The following PDSS2 variants were observed in gnomAD, a reference collection of about 807,000 sequenced individuals.
PDSS2 encodes the protein decaprenyl diphosphate synthase subunit 2, also known as all trans-polyprenyl-diphosphate synthase PDSS2.
Under a neutral mutation model 44.5 loss-of-function variants are expected in PDSS2, and 31 were observed. That is an observed-to-expected ratio of 0.70 (90% confidence interval 0.52 to 0.94). The LOEUF is 0.94. Among genes scored for constraint, PDSS2 ranks in the 40% least tolerant of loss-of-function variants. PDSS2 has a pLI of 0.00. For synonymous variants in PDSS2, 157 were observed against 180.3 expected (o/e 0.87, Z 1.03); for missense variants, 452 against 482.2 (o/e 0.94, Z 0.59).
intron 4 of PDSS2, among the ~76,000 whole-genome samples, chr6:107,238,811 A>T (rs1216170542): frequency 6.6e-6 from 1 of 152,186 alleles, no homozygotes; most frequent in Non-Finnish European, 1.5e-5. Context: ...TCAACCTTAT[A>T]AGCAGGTTTT....
intron 2 of PDSS2, among the ~76,000 whole-genome samples, chr6:107,309,169 G>A (rs1032098478): frequency 5.9e-5 from 9 of 152,234 alleles, no homozygotes; most frequent in Admixed American, 3.9e-4. Flanking sequence ...AGATATCACT[G>A]AAGAATATTT....
chr6:107,242,125 A>G (rs1450146606), intron 4 of PDSS2, among the ~76,000 whole-genome samples: 1 of 152,196 alleles, frequency 6.6e-6, no homozygotes, highest in East Asian at 1.9e-4. Context: ...CAGGAAAAAA[A>G]GCCAGAATTT....
intron 4 of PDSS2, among the ~76,000 whole-genome samples, chr6:107,232,567 C>A (rs1482851308): frequency 6.6e-6 from 1 of 152,208 alleles, no homozygotes; most frequent in African/African-American, 2.4e-5. Flanking sequence ...CCTTCACTAT[C>A]ATTTCTCCCT....
At chr6:107,421,755 T>C (rs1208779455) in intron 1 of PDSS2, among the ~76,000 whole-genome samples, 2 of 151,554 alleles carry the variant, frequency 1.3e-5, no homozygotes, top group Admixed American at 6.6e-5. Flanking sequence ...AACAGTCCTA[T>C]ATCTTGATGA....
chr6:107,288,325 A>G (rs1013820650), intron 2 of PDSS2, among the ~76,000 whole-genome samples: 1 of 152,168 alleles, frequency 6.6e-6, no homozygotes. Context: ...GAGGGCTGGA[A>G]TATTTGTCTG....
chr6:107,231,962 CAAA>C (rs5878909), intron 4 of PDSS2, among the ~76,000 whole-genome samples: 32 of 137,742 alleles, frequency 2.3e-4, no homozygotes, highest in African/African-American at 5.1e-4. Flanking sequence ...AACTCTGTCT[CAAA>C]AAAAAAAAAA....
Position 107,440,056 on chromosome 6 carries a change from A to T in PDSS2, c.296+18934T>A, listed in dbSNP as rs1781469875. Among the ~76,000 whole-genome samples, 3 of 152,084 alleles carry T rather than the reference A, an allele frequency of 2.0e-5. No homozygotes were observed. In the South Asian group the frequency reaches 6.2e-4, roughly 31 times the overall value. On this transcript the variant is annotated intron_variant, in intron 1 of 7. Coordinates refer to ENST00000369037, the MANE Select transcript of PDSS2 (RefSeq NM_020381.4). ...GACAGTGGCTATACATGTGCTCAAC[A>T]ACAGGGATTTCCTCCCACCAAGGCT...
chr6:107,158,728 T>TTC (rs1455826968), intron 7 of PDSS2, among the ~76,000 whole-genome samples: 1 of 121,704 alleles, frequency 8.2e-6, no homozygotes, highest in Non-Finnish European at 2.0e-5. Context: ...TTTAACTGTT[T>TTC]TCTTTTTTTT....
Position 107,197,536 on chromosome 6 carries a change from C to T in PDSS2, c.1009-3682G>A, listed in dbSNP as rs559545594. On this transcript the variant is annotated intron_variant, in intron 6 of 7. Transcript: ENST00000369037. ...AAAATAGAAGTAAGTTAGAGACACT[C>T]AGCTGGTGTCAGCTTGCTGAAGTGA... Among the ~76,000 whole-genome samples the T allele has an allele frequency of 4.0e-5, 6 of 150,398 alleles. No individual in the cohort carries two copies. The South Asian group carries it at 1.3e-3, about 32-fold the overall frequency.
At chr6:107,417,521 G>A (rs1337851459) in intron 1 of PDSS2, among the ~76,000 whole-genome samples, 1 of 152,212 alleles carries the variant, frequency 6.6e-6, no homozygotes, top group Non-Finnish European at 1.5e-5. Context: ...CACTTGGGGA[G>A]GCCGAGGCAG....
At chr6:107,342,376 T>C (rs571451625) in intron 1 of PDSS2, among the ~76,000 whole-genome samples, 9 of 152,268 alleles carry the variant, frequency 5.9e-5, no homozygotes, top group Admixed American at 3.3e-4. Flanking sequence ...CTTGAGTTCC[T>C]TTTCCTAAAT....
intron 1 of PDSS2, among the ~76,000 whole-genome samples, chr6:107,438,039 G>A (rs562210803): frequency 8.5e-5 from 13 of 152,242 alleles, no homozygotes; most frequent in African/African-American, 3.1e-4. Context: ...CCAGGTGGTA[G>A]TAGTTAACTG....
chr6:107,367,697 A>C (rs1779000638), intron 1 of PDSS2, among the ~76,000 whole-genome samples: 1 of 151,778 alleles, frequency 6.6e-6, no homozygotes, highest in Admixed American at 6.6e-5. Flanking sequence ...GAAGCAGAAG[A>C]ATCGCTTGAA....
intron 2 of PDSS2, among the ~76,000 whole-genome samples, chr6:107,284,006 A>T (rs551132059): frequency 4.6e-5 from 7 of 152,022 alleles, no homozygotes; most frequent in Middle Eastern, 3.4e-3. Flanking sequence ...AGCCTGGGCA[A>T]CAAGAGCAAA....
intron 2 of PDSS2, among the ~76,000 whole-genome samples, chr6:107,304,730 C>G (rs1776803354): frequency 6.6e-6 from 1 of 152,234 alleles, no homozygotes; most frequent in South Asian, 2.1e-4. Flanking sequence ...ACCAACTCAT[C>G]TTTCCATTTA....
At chr6:107,212,691 C>T (rs1346713801) in intron 4 of PDSS2, among the ~76,000 whole-genome samples, 2 of 152,078 alleles carry the variant, frequency 1.3e-5, no homozygotes, top group Non-Finnish European at 2.9e-5. Flanking sequence ...GAAGGAACTA[C>T]ATTTTCTTAG....
At chr6:107,337,442 C>T (rs1006350638) in intron 1 of PDSS2, among the ~76,000 whole-genome samples, 1 of 152,176 alleles carries the variant, frequency 6.6e-6, no homozygotes. Flanking sequence ...GGCTTTAGAA[C>T]CAGACAAGCC....
At chr6:107,334,389 A>T in intron 1 of PDSS2, 57 bp from the exon 2 acceptor site, 2 of 1,487,656 alleles carry the variant, frequency 1.3e-6, no homozygotes, top group Non-Finnish European at 9.4e-7. Context: ...TCATCAGATA[A>T]CTTAGAAAAC....
chr6:107,350,437 G>C (rs1778395842), intron 1 of PDSS2, among the ~76,000 whole-genome samples: 1 of 152,188 alleles, frequency 6.6e-6, no homozygotes, highest in African/African-American at 2.4e-5. Flanking sequence ...ATGTATTTCT[G>C]TAGAGACAAT....
Sources: allele counts gnomAD v4.1 joint callset (sites outside exome capture counted in the v4.1 genomes callset), GRCh38; gene constraint gnomAD v4.1.1; transcripts MANE v1.5; gene names NCBI Gene and HGNC (gene_info 2026-07-23, HGNC 2026-07-21).